Variants in KCNU1 observed in about 807,000 individuals in gnomAD.
The protein encoded by KCNU1 is potassium calcium-activated channel subfamily U member 1, also known as potassium channel subfamily U member 1.
In KCNU1, 93 loss-of-function variants were observed where a neutral mutation model predicts 126.8. That is an observed-to-expected ratio of 0.73 (90% confidence interval 0.62 to 0.87). The LOEUF is 0.87. Ranked by LOEUF, KCNU1 falls within the 40% of genes least tolerant of loss-of-function variation. The pLI, the probability that KCNU1 is intolerant of heterozygous loss-of-function variation, is 0.00. For missense variants in KCNU1, 1,330 were observed against 1,367.1 expected (o/e 0.97, Z 0.43); for synonymous variants, 523 against 494.2 (o/e 1.06, Z -0.77).
intron 18 of KCNU1, 133 bp downstream of exon 18, chr8:36,846,032 C>A: frequency 3.2e-6 from 2 of 632,666 alleles, no homozygotes; most frequent in East Asian, 2.7e-5. Context: ...CATTTCCTCA[C>A]TGACCACACA....
intron 19 of KCNU1, among the ~76,000 whole-genome samples, chr8:36,881,170 G>T (rs1450162207): frequency 1.3e-5 from 2 of 152,190 alleles, no homozygotes; most frequent in Non-Finnish European, 2.9e-5. Context: ...CTTCTACAAA[G>T]CTCTGAGGCT....
intron 19 of KCNU1, among the ~76,000 whole-genome samples, chr8:36,881,455 C>T (rs1187600734): frequency 1.3e-5 from 2 of 152,038 alleles, no homozygotes; most frequent in African/African-American, 4.8e-5. Context: ...AACTCCTGAC[C>T]TCAAGTGATC....
chr8:36,928,370 T>C lies in KCNU1; in HGVS notation c.2737-2581T>C, dbSNP rs1426527611. On this transcript the variant is annotated intron_variant, in intron 24 of 26. Transcript: ENST00000399881. ...TCGATCACTCTACACTATGGCCACA[T>C]GTTCTTAAACAGATTGTGGTTCAAC... 2.0e-5 allele frequency among the ~76,000 whole-genome samples: 3 copies of C among 152,088 alleles called. No individual in the cohort carries two copies. The East Asian group carries it at 5.8e-4, about 30-fold the overall frequency.
chr8:36,880,354 T>A (rs1806431067), intron 19 of KCNU1, among the ~76,000 whole-genome samples: 1 of 152,178 alleles, frequency 6.6e-6, no homozygotes, highest in Non-Finnish European at 1.5e-5. Flanking sequence ...ATGAAATAAA[T>A]CATCCAGTGG....
chr8:36,838,096 A>G (rs1804820603), intron 14 of KCNU1, among the ~76,000 whole-genome samples: 1 of 152,230 alleles, frequency 6.6e-6, no homozygotes, highest in African/African-American at 2.4e-5. Flanking sequence ...GGTGAAAAGA[A>G]ATGGTAGTCA....
rs1802641905 is a variant in KCNU1 at position 36,784,487 on chromosome 8, C to G, written c.77C>G (p.Ala26Gly). ...TCCTGCACAACTGAGATCCAAGCAG[C>G]ATTCATTCTCTCTTCCTTTGTGACC... ...KMSCTTEIQAAFILSSFVTFF... is the reference protein window; with the variant it reads ...KMSCTTEIQAGFILSSFVTFF... The change falls in exon 1 of 27, where the codon GCA becomes GGA. Residue 26 changes from alanine (A) to glycine (G), a missense_variant. Ala to Gly is a moderately conservative substitution (Grantham distance 60). Around this residue, in one of 3 missense-constraint regions of KCNU1, gnomAD observed 247 missense variants for 255.4 expected, o/e 0.97. Coordinates refer to ENST00000399881, the MANE Select transcript of KCNU1 (RefSeq NM_001031836.3). 1 of 1,613,780 alleles carries G rather than the reference C, an allele frequency of 6.2e-7. No homozygotes were observed. The highest frequency in any genetic ancestry group is 1.1e-5 in the South Asian group (1 of 91,082).
At chr8:36,879,189 G>GTA (rs1472849345) in intron 19 of KCNU1, among the ~76,000 whole-genome samples, 1 of 108,844 alleles carries the variant, frequency 9.2e-6, no homozygotes, top group Non-Finnish European at 1.8e-5. Flanking sequence ...AGGCATATAT[G>GTA]TATGTGTGTG....
intron 12 of KCNU1, 34 bp downstream of exon 12, chr8:36,834,902 AT>A (rs773100515): frequency 1.5e-6 from 2 of 1,378,794 alleles, no homozygotes; most frequent in South Asian, 1.2e-5. Flanking sequence ...TATAACGATT[AT>A]TTTTTTCTAT....
At position 36,867,806 on chromosome 8, in the gene KCNU1, A is replaced by C. The variant is rs578048841; in HGVS notation, c.2009+3285A>C. On this transcript the variant is annotated intron_variant, in intron 19 of 26. Transcript: ENST00000399881. ...GTTTTAATTCTCGTCTGTAATAAAC[A>C]AGAAAATGGTTTAAAGCAGGCATCT... Among the ~76,000 whole-genome samples, 11 of 152,314 alleles carry C rather than the reference A, an allele frequency of 7.2e-5. 1 individual carries two copies. The highest frequency in any genetic ancestry group is 2.6e-4 in the African/African-American group (11 of 41,582).
In KCNU1 at chr8:36,909,176, G is replaced by A. The variant is rs1190168408; in HGVS notation, c.2107-135G>A. 3.9e-5 allele frequency: 25 copies of A among 643,528 alleles called. No homozygotes were observed. The South Asian group carries it at 5.0e-4, about 13-fold the overall frequency. 39.9% of individuals were successfully genotyped at this position (643,528 alleles called of 1,614,324 possible). A position where few individuals can be genotyped will look rare whatever the true frequency, so the allele number is the denominator to read the frequency against. On this transcript the variant is annotated intron_variant, in intron 20 of 26. Transcript: ENST00000399881. ...GAGTTCTGTTTTTTATAAACAATTT[G>A]CAAAATTCTATTCACCTTATGAAAG...
intron 24 of KCNU1, chr8:36,928,979 A>G: frequency 1.4e-6 from 1 of 698,932 alleles, no homozygotes; most frequent in Non-Finnish European, 2.6e-6. Context: ...AAGCAATGAT[A>G]AAGAAAACAG....
rs138602273 is a variant in KCNU1 at position 36,908,273 on chromosome 8, T to C, written c.2107-1038T>C. ...GTGGGAGAAACTTAAGTATATTCCA[T>C]GCATATTCTTTTGTTTTCAACTTGG... On this transcript the variant is annotated intron_variant, in intron 20 of 26. Coordinates refer to ENST00000399881, the MANE Select transcript of KCNU1 (RefSeq NM_001031836.3). Among the ~76,000 whole-genome samples, 461 of 152,298 alleles carry C rather than the reference T, an allele frequency of 3.0e-3. 6 individuals are homozygous for C. Among genetic ancestry groups the C allele is most frequent in the African/African-American group, 0.01 (432 of 41,574 alleles).
At chr8:36,915,360 A>G (rs1428226152) in intron 22 of KCNU1, among the ~76,000 whole-genome samples, 1 of 152,208 alleles carries the variant, frequency 6.6e-6, no homozygotes, top group Non-Finnish European at 1.5e-5. Context: ...TCCATTATTT[A>G]CAAGCCTTGT....
At chr8:36,864,382 T>G in intron 18 of KCNU1, 22 bp from the exon 19 acceptor site, 34 of 1,382,476 alleles carry the variant, frequency 2.5e-5, no homozygotes, top group Middle Eastern at 1.8e-4. Flanking sequence ...GCCAACTCAC[T>G]GAGATTTCTA....
chr8:36,892,636 A>C (rs1807013402), intron 19 of KCNU1, among the ~76,000 whole-genome samples: 1 of 151,834 alleles, frequency 6.6e-6, no homozygotes, highest in African/African-American at 2.4e-5. Context: ...TGACACTTAA[A>C]TCTCTACTCA....
chr8:36,908,799 T>TA (rs112160347), intron 20 of KCNU1, among the ~76,000 whole-genome samples: 2,563 of 152,074 alleles, frequency 0.017, 80 homozygotes, highest in African/African-American at 0.059. Flanking sequence ...TTTTGACCCA[T>TA]AAAAAGGTAA....
chr8:36,917,951 T>C (rs1808182484), intron 22 of KCNU1, among the ~76,000 whole-genome samples: 1 of 152,140 alleles, frequency 6.6e-6, no homozygotes, highest in Non-Finnish European at 1.5e-5. Context: ...CAGCCAGTTC[T>C]GCAGAGACAA....
At chr8:36,913,370 CA>C (rs1201271843) in intron 22 of KCNU1, among the ~76,000 whole-genome samples, 1 of 151,814 alleles carries the variant, frequency 6.6e-6, no homozygotes, top group Admixed American at 6.6e-5. Context: ...ATTGGAAAGG[CA>C]AAGAGAAAAG....
At chr8:36,813,837 G>A (rs979915295) in intron 7 of KCNU1, among the ~76,000 whole-genome samples, 4 of 150,510 alleles carry the variant, frequency 2.7e-5, no homozygotes, top group African/African-American at 9.9e-5. Context: ...GTTAAAAAGT[G>A]AGAATATGTC....
Sources: allele counts gnomAD v4.1 joint callset (sites outside exome capture counted in the v4.1 genomes callset), GRCh38; gene constraint gnomAD v4.1.1; regional missense constraint gnomAD v4.1.1; transcripts MANE v1.5; gene names NCBI Gene and HGNC (gene_info 2026-07-23, HGNC 2026-07-21).